Variants in FARS2 observed in about 807,000 individuals in gnomAD.
The protein encoded by FARS2 is phenylalanine--tRNA ligase, mitochondrial.
Under a neutral mutation model 46.4 loss-of-function variants are expected in FARS2, and 40 were observed. The ratio of observed to expected loss-of-function variants is 0.86; its 90% CI spans 0.67 to 1.12. FARS2 has a LOEUF of 1.12. Ranked by LOEUF, FARS2 falls within the 50% of genes most tolerant of loss-of-function variation. The pLI is 0.00. For missense variants in FARS2, 513 were observed against 567.9 expected (o/e 0.90, Z 0.98); for synonymous variants, 234 against 214.9 (o/e 1.09, Z -0.78).
chr6:5,669,739 G>A (rs866984442), intron 6 of FARS2, among the ~76,000 whole-genome samples: 27 of 152,132 alleles, frequency 1.8e-4, no homozygotes, highest in African/African-American at 6.0e-4. Context: ...CCTGAGATTC[G>A]GAGAGTGAAG....
chr6:5,705,005 T>C (rs758807207), intron 6 of FARS2, among the ~76,000 whole-genome samples: 1 of 152,196 alleles, frequency 6.6e-6, no homozygotes, highest in Non-Finnish European at 1.5e-5. Context: ...TTATTATAGT[T>C]CTCAAAATTA....
intron 6 of FARS2, among the ~76,000 whole-genome samples, chr6:5,703,487 G>A (rs1758563974): frequency 6.6e-6 from 1 of 152,160 alleles, no homozygotes; most frequent in East Asian, 1.9e-4. Flanking sequence ...CTATCCCATT[G>A]TATTCTTAGT....
chr6:5,504,437 T>TAAAAAAAA (rs143444280), intron 4 of FARS2, among the ~76,000 whole-genome samples: 1 of 126,476 alleles, frequency 7.9e-6, no homozygotes, highest in Admixed American at 7.9e-5. Context: ...TGCTTTCCAG[T>TAAAAAAAA]AAAAAAAAAA....
intron 6 of FARS2, among the ~76,000 whole-genome samples, chr6:5,669,437 G>C (rs10484317): frequency 0.033 from 5,053 of 151,210 alleles, 125 homozygotes; most frequent in Non-Finnish European, 0.05. Context: ...AAGCACCAAG[G>C]GTTAGTGTGC....
intron 6 of FARS2, among the ~76,000 whole-genome samples, chr6:5,766,962 C>G (rs1762782422): frequency 6.6e-6 from 1 of 151,356 alleles, no homozygotes; most frequent in African/African-American, 2.4e-5. Flanking sequence ...CATCCACATT[C>G]CATCTAGTAT....
intron 4 of FARS2, among the ~76,000 whole-genome samples, chr6:5,536,724 T>C (rs774562287): frequency 6.6e-6 from 1 of 152,134 alleles, no homozygotes; most frequent in Non-Finnish European, 1.5e-5. Context: ...CTCCAAAAGG[T>C]TAAATAGGTC....
intron 4 of FARS2, among the ~76,000 whole-genome samples, chr6:5,485,177 T>C (rs1766701063): frequency 6.6e-6 from 1 of 152,194 alleles, no homozygotes; most frequent in Non-Finnish European, 1.5e-5. Context: ...GCCAAGTCAG[T>C]GGACTCGGAG....
chr6:5,484,245 T>C (rs915045913), intron 4 of FARS2, among the ~76,000 whole-genome samples: 36 of 152,192 alleles, frequency 2.4e-4, no homozygotes, highest in African/African-American at 8.7e-4. Flanking sequence ...TTGAATTCAT[T>C]ATGCTGTGAA....
intron 6 of FARS2, among the ~76,000 whole-genome samples, chr6:5,619,260 T>TA (rs1775637902): frequency 2.0e-5 from 3 of 151,792 alleles, no homozygotes; most frequent in Admixed American, 2.0e-4. Flanking sequence ...AATTGGGGAG[T>TA]AAAATTTTTT....
chr6:5,259,967 C>A (rs774540828), upstream of FARS2, among the ~76,000 whole-genome samples: 3 of 151,970 alleles, frequency 2.0e-5, no homozygotes, highest in Non-Finnish European at 4.4e-5. Flanking sequence ...AGTGGGGAGG[C>A]GTGAGAAAAA....
At chr6:5,443,438 G>A (rs1165714585) in intron 4 of FARS2, among the ~76,000 whole-genome samples, 2 of 152,184 alleles carry the variant, frequency 1.3e-5, no homozygotes, top group Non-Finnish European at 2.9e-5. Flanking sequence ...ATACTTCTCT[G>A]CCCTGTTGAT....
At chr6:5,277,338 C>T (rs1268399947) in intron 1 of FARS2, among the ~76,000 whole-genome samples, 2 of 151,734 alleles carry the variant, frequency 1.3e-5, no homozygotes, top group African/African-American at 2.4e-5. Flanking sequence ...GTTTTTTAAA[C>T]AAACTAAATT....
At chr6:5,405,585 T>C (rs1435932345) in intron 3 of FARS2, among the ~76,000 whole-genome samples, 1 of 146,106 alleles carries the variant, frequency 6.8e-6, no homozygotes, top group Non-Finnish European at 1.5e-5. Flanking sequence ...CTCTGCCTCC[T>C]GGGTTCACGC....
chr6:5,392,930 A>G (rs867436127), intron 2 of FARS2, among the ~76,000 whole-genome samples: 63 of 136,538 alleles, frequency 4.6e-4, no homozygotes, highest in South Asian at 1.6e-3. Flanking sequence ...ATATACATAT[A>G]TGTGTGTGTG....
intron 2 of FARS2, among the ~76,000 whole-genome samples, chr6:5,379,623 G>T (rs2432751): frequency 6.6e-6 from 1 of 152,032 alleles, no homozygotes; most frequent in Non-Finnish European, 1.5e-5. Context: ...TGATATCCAC[G>T]CTCTGGAATG....
intron 6 of FARS2, among the ~76,000 whole-genome samples, chr6:5,616,585 A>G (rs1481969118): frequency 6.6e-6 from 1 of 152,244 alleles, no homozygotes; most frequent in Non-Finnish European, 1.5e-5. Context: ...TTTCTTTCAT[A>G]TATACCTTAT....
chr6:5,678,723 C>T (rs72819956), intron 6 of FARS2, among the ~76,000 whole-genome samples: 8,045 of 152,246 alleles, frequency 0.053, 272 homozygotes, highest in Non-Finnish European at 0.081. Context: ...ACCTACCTGG[C>T]TGAGTGGTAT....
intron 5 of FARS2, among the ~76,000 whole-genome samples, chr6:5,556,346 G>A (rs1054397991): frequency 2.0e-5 from 3 of 152,130 alleles, no homozygotes; most frequent in East Asian, 1.9e-4. Flanking sequence ...CGCATTCAAC[G>A]AACTTAACTA....
At chr6:5,628,920 G>A (rs1397314398) in intron 6 of FARS2, among the ~76,000 whole-genome samples, 1 of 152,242 alleles carries the variant, frequency 6.6e-6, no homozygotes, top group African/African-American at 2.4e-5. Context: ...TCAGGCACTG[G>A]CAGAGGACAA....
Sources: allele counts gnomAD v4.1 joint callset (sites outside exome capture counted in the v4.1 genomes callset), GRCh38; gene constraint gnomAD v4.1.1; transcripts MANE v1.5; gene names NCBI Gene and HGNC (gene_info 2026-07-23, HGNC 2026-07-21).